The following ISCU variants were observed in gnomAD, a reference collection of about 807,000 sequenced individuals.
ISCU encodes the protein iron-sulfur cluster assembly enzyme.
In ISCU, 13 loss-of-function variants were observed where a neutral mutation model predicts 18.4. The ratio of observed to expected loss-of-function variants is 0.71; its 90% CI spans 0.46 to 1.12. ISCU has a LOEUF of 1.12. Ranked by LOEUF, ISCU falls within the 50% of genes most tolerant of loss-of-function variation. The probability of loss-of-function intolerance (pLI) is 0.00; values close to 1 mark genes in which losing one functional copy is unlikely to be tolerated. For synonymous variants in ISCU, 104 were observed against 87.5 expected, an observed-to-expected ratio of 1.19 and a Z score of -1.06; for missense variants, 229 against 208.7, an observed-to-expected ratio of 1.10 and a Z score of -0.60.
chr12:108,568,404 C>CATG (rs2031000009), intron 4 of ISCU: 1 of 1,094,562 alleles, frequency 9.1e-7, no homozygotes, highest in East Asian at 6.9e-5. Flanking sequence ...TTCCAAAGGG[C>CATG]ATGTCAACTT....
intron 1 of ISCU, chr12:108,563,956 C>T (rs1172705861): frequency 1.3e-6 from 1 of 763,492 alleles, no homozygotes; most frequent in Admixed American, 1.9e-5. Context: ...AACAAAACTG[C>T]TGTTTGAGCC....
At position 108,562,657 on chromosome 12, in the gene ISCU, C is replaced by T. The variant is rs2287555; in HGVS notation, c.35C>T (p.Ala12Val). The T allele has an allele frequency of 0.64, 927,437 of 1,445,592 alleles. 304,580 individuals are homozygous for T. The highest frequency in any genetic ancestry group is 0.67 in the Non-Finnish European group (739,727 of 1,102,472). The allele number at this position is 1,445,592 out of a possible 1,614,324, so 89.5% of individuals were successfully genotyped here. A position where few individuals can be genotyped will look rare whatever the true frequency, so the allele number is the denominator to read the frequency against. The change falls in exon 1 of 5, where the codon GCG (alanine) becomes GTG (valine). Residue 12 changes from alanine (A) to valine (V), a missense_variant. By Grantham distance (64) the Ala-to-Val change is moderately conservative. Coordinates refer to ENST00000311893, the MANE Select transcript of ISCU (RefSeq NM_213595.4). ...GCTGGGGCTTTCCGTCTGAGGCGGG[C>T]GGCATCGGCTCTGCTGCTGCGGAGC... ...AAAGAFRLRR[A>V]ASALLLRSPR... is the part of the protein sequence containing the mutation.
chr12:108,563,260 T>C (rs938781324), intron 1 of ISCU: 2 of 152,828 alleles, frequency 1.3e-5, no homozygotes, highest in African/African-American at 2.4e-5. Context: ...TAGGAGTGCA[T>C]AGGGGAGTCA....
chr12:108,567,349 A>T (rs557881062), intron 4 of ISCU, 81 bp downstream of exon 4: 1 of 1,143,610 alleles, frequency 8.7e-7, no homozygotes, highest in South Asian at 1.2e-5. Context: ...CTTTTAGATC[A>T]TGGAGCCCAC....
chr12:108,563,256 T>C (rs1374347779), intron 1 of ISCU: 1 of 152,632 alleles, frequency 6.6e-6, no homozygotes, highest in African/African-American at 2.4e-5. Flanking sequence ...GCTTTAGGAG[T>C]GCATAGGGGA....
rs776009693 is a variant in ISCU, at chr12:108,562,652, G to T, written c.30G>T (p.Arg10Ser). The change falls in exon 1 of 5, where the codon AGG (arginine) becomes AGT (serine). Residue 10 changes from arginine (R) to serine (S), a missense_variant. Transcript: ENST00000311893. The stretch of plus-strand genomic sequence containing the variant: ...CGGCGGCTGGGGCTTTCCGTCTGAG[G>T]CGGGCGGCATCGGCTCTGCTGCTGC... MAAAGAFRL[R>S]RAASALLLRS... The T allele has an allele frequency of 2.1e-6, 3 of 1,461,672 alleles. No homozygotes were observed. Among genetic ancestry groups the T allele is most frequent in the African/African-American group, 1.5e-5 (1 of 68,248 alleles). 90.5% of individuals were successfully genotyped at this position (1,461,672 alleles called of 1,614,324 possible). A position where few individuals can be genotyped will look rare whatever the true frequency, so the allele number is the denominator to read the frequency against.
chr12:108,568,341 C>G (rs996977649), intron 4 of ISCU: 2 of 1,096,374 alleles, frequency 1.8e-6, no homozygotes, highest in African/African-American at 3.3e-5. Flanking sequence ...CTCTCGATCA[C>G]TAGAGGGTGA....
At chr12:108,562,288 G>A (rs1387171022), upstream of ISCU, among the ~76,000 whole-genome samples, 1 of 152,244 alleles carries the variant, frequency 6.6e-6, no homozygotes, top group Admixed American at 6.5e-5. Flanking sequence ...AGGAAAAGTG[G>A]ACTCGGTGCT....
intron 4 of ISCU, chr12:108,568,059 C>G: frequency 3.4e-6 from 5 of 1,459,196 alleles, no homozygotes; most frequent in Non-Finnish European, 4.5e-6. Flanking sequence ...GGCAGACACA[C>G]TAACTCATTC....
chr12:108,567,713 C>G, intron 4 of ISCU: 2 of 1,536,004 alleles, frequency 1.3e-6, no homozygotes, highest in Non-Finnish European at 1.7e-6. Flanking sequence ...AATCCTGTTT[C>G]CTGTGTATTT....
intron 4 of ISCU, chr12:108,568,161 C>T: frequency 1.5e-6 from 2 of 1,317,760 alleles, no homozygotes; most frequent in Non-Finnish European, 1.9e-6. Context: ...AACATTTTCA[C>T]ATGGTTTCAG....
chr12:108,562,923 C>T (rs1046560993), intron 1 of ISCU, 187 bp downstream of exon 1: 2 of 398,720 alleles, frequency 5.0e-6, no homozygotes, highest in Admixed American at 4.5e-5. Flanking sequence ...GCTCATCGGG[C>T]GGCGACTTCC....
In ISCU at chr12:108,564,546, A is replaced by G. The variant is rs926464947; in HGVS notation, c.228+154A>G. Among the ~76,000 whole-genome samples, 9 of 152,342 alleles carry G rather than the reference A, an allele frequency of 5.9e-5. No homozygotes were observed. In the East Asian group the frequency reaches 1.7e-3, roughly 29 times the overall value. Reference sequence around the variant, plus strand: ...GTGAGATGGGATGAGTCCATGTTAGATATGACTGGAGCAGGGCCTCAATCG... The same window carrying G: ...GTGAGATGGGATGAGTCCATGTTAGGTATGACTGGAGCAGGGCCTCAATCG... On this transcript the variant is annotated intron_variant, in intron 2 of 4. Coordinates refer to ENST00000311893, the MANE Select transcript of ISCU (RefSeq NM_213595.4).
intron 2 of ISCU, chr12:108,564,871 T>A: frequency 3.8e-6 from 1 of 264,326 alleles, no homozygotes. Flanking sequence ...TTGCCAGAGG[T>A]CTTCATACCT....
At position 108,562,744 on chromosome 12, in the gene ISCU, C is replaced by T. The variant is rs1343888200; in HGVS notation, c.114+8C>T. ...CGACTCTATCACAAGAAGGTAGGGA[C>T]AAAAGAGGGACGCGCGGAATGCCGA... is the stretch of plus-strand genomic sequence containing the variant. On this transcript the variant is annotated splice_region_variant and intron_variant, in intron 1 of 4. Transcript: ENST00000311893. The T allele has an allele frequency of 7.8e-7, 1 of 1,285,442 alleles. No individual in the cohort carries two copies. The highest frequency in any genetic ancestry group is 9.7e-7 in the Non-Finnish European group (1 of 1,029,314). The allele number at this position is 1,285,442 out of a possible 1,614,324, so 79.6% of individuals were successfully genotyped here. A position where few individuals can be genotyped will look rare whatever the true frequency, so the allele number is the denominator to read the frequency against.
intron 4 of ISCU, chr12:108,567,811 C>G: frequency 2.0e-6 from 3 of 1,523,798 alleles, no homozygotes; most frequent in Non-Finnish European, 2.6e-6. Flanking sequence ...TGTCCCCCTC[C>G]CTGCTATCCT....
chr12:108,567,675 G>A (rs2030963921), intron 4 of ISCU: 1 of 1,535,864 alleles, frequency 6.5e-7, no homozygotes. Context: ...GCTGTTTCCA[G>A]CAGAGGAGAA....
rs1157404266 is a variant in ISCU, at chr12:108,563,644, C to G, written c.115-635C>G. ...CTGGCTTCTGCCCTTTCTCCAAGGG[C>G]TTCTTCACTCCTCCCCCTCCCGGGG... is the stretch of plus-strand genomic sequence containing the variant. On this transcript the variant is annotated intron_variant, in intron 1 of 4. Transcript: ENST00000311893. 5 of 257,432 alleles carry G rather than the reference C, an allele frequency of 1.9e-5. No homozygotes were observed. The East Asian group carries it at 3.9e-4, about 20-fold the overall frequency. 15.9% of individuals were successfully genotyped at this position (257,432 alleles called of 1,614,324 possible).
intron 4 of ISCU, 53 bp from the exon 5 acceptor site, chr12:108,568,778 T>G: frequency 6.3e-7 from 1 of 1,577,536 alleles, no homozygotes; most frequent in Non-Finnish European, 8.6e-7. Context: ...TATTCCCAAG[T>G]CCATTTCTTT....
Sources: gnomAD v4.1 joint callset for allele counts (sites outside exome capture counted in the v4.1 genomes callset) on GRCh38, gnomAD v4.1.1 for gene constraint, MANE v1.5 for transcripts, NCBI Gene and HGNC (gene_info 2026-07-23, HGNC 2026-07-21) for gene names.